Variants in MSH3 observed in about 807,000 individuals in gnomAD.
The protein encoded by MSH3 is mutS homolog 3.
A neutral mutation model predicts 123.3 loss-of-function variants in MSH3; 106 were observed. The ratio of observed to expected loss-of-function variants is 0.86; its 90% confidence interval spans 0.73 to 1.01. MSH3 has a LOEUF of 1.01. MSH3 is among the 50% of genes least tolerant of loss of function. The pLI is 0.00. For synonymous variants in MSH3, 515 were observed against 481.4 expected (o/e 1.07, Z -0.91); for missense variants, 1,459 against 1,347.6 (o/e 1.08, Z -1.29).
chr5:80,756,980 T>A (rs187509368), intron 12 of MSH3, among the ~76,000 whole-genome samples: 1 of 152,316 alleles, frequency 6.6e-6, no homozygotes, highest in Admixed American at 6.5e-5. Flanking sequence ...CTACTCGTTC[T>A]GTGCTGTCTT....
intron 20 of MSH3, among the ~76,000 whole-genome samples, chr5:80,842,133 GT>G (rs1324394453): frequency 6.6e-6 from 1 of 152,182 alleles, no homozygotes. Context: ...TGGCTAGCCA[GT>G]TTTCCCAGCA....
At chr5:80,716,798 C>A (rs1346104905) in intron 8 of MSH3, among the ~76,000 whole-genome samples, 1 of 152,202 alleles carries the variant, frequency 6.6e-6, no homozygotes, top group Non-Finnish European at 1.5e-5. Flanking sequence ...TCCTACCCTA[C>A]TGTGCTATCA....
At chr5:80,871,983 C>T (rs1322312315) in intron 22 of MSH3, among the ~76,000 whole-genome samples, 3 of 152,026 alleles carry the variant, frequency 2.0e-5, no homozygotes, top group Admixed American at 6.6e-5. Context: ...GGCAAACAGT[C>T]GAGGGTTGCA....
At chr5:80,855,873 C>CTTTTTTTTTTTTTTTTTTTTT (rs5869058) in intron 21 of MSH3, 3 of 107,136 alleles carry the variant, frequency 2.8e-5, no homozygotes, top group African/African-American at 7.2e-5. Context: ...TCCTCCTCCT[C>CTTTTTTTTTTTTTTTTTTTTT]TTTTTTTTTT....
At chr5:80,669,717 A>G (rs6151627) in intron 3 of MSH3, among the ~76,000 whole-genome samples, 34,521 of 152,126 alleles carry the variant, frequency 0.23, 4,108 homozygotes, top group Non-Finnish European at 0.27. Flanking sequence ...CTCCTGAGAG[A>G]GAGCCAGATT....
In MSH3 at chr5:80,787,296, G is replaced by A. The variant is rs190728844; in HGVS notation, c.2436-269G>A. On this transcript the variant is annotated intron_variant, in intron 17 of 23. Transcript: ENST00000265081. Reference sequence around the variant, plus strand: ...ATCTTAAGTTCAAATGTCAGGGTCAGATGAAATCTGTGATATATTCTTAAT... The same window carrying A: ...ATCTTAAGTTCAAATGTCAGGGTCAAATGAAATCTGTGATATATTCTTAAT... Among the ~76,000 whole-genome samples, 191 of 152,350 alleles carry A rather than the reference G, an allele frequency of 1.3e-3. 2 individuals carry two copies. The highest frequency in any genetic ancestry group is 4.5e-3 in the African/African-American group (186 of 41,584).
At chr5:80,736,071 A>G (rs961045265) in intron 10 of MSH3, among the ~76,000 whole-genome samples, 2 of 152,104 alleles carry the variant, frequency 1.3e-5, no homozygotes, top group Admixed American at 6.5e-5. Flanking sequence ...CCAAAAATAC[A>G]AAAAATTAGC....
intron 8 of MSH3, among the ~76,000 whole-genome samples, chr5:80,713,448 A>G (rs1750895907): frequency 6.6e-6 from 1 of 152,114 alleles, no homozygotes; most frequent in South Asian, 2.1e-4. Context: ...AGAGACCGAG[A>G]TGACTGTCTT....
At chr5:80,772,324 G>C (rs1744227041) in intron 15 of MSH3, among the ~76,000 whole-genome samples, 1 of 152,180 alleles carries the variant, frequency 6.6e-6, no homozygotes. Context: ...TTAAAATATA[G>C]TAAAACATCC....
chr5:80,717,109 T>G (rs1418816381), intron 8 of MSH3, among the ~76,000 whole-genome samples: 1 of 152,232 alleles, frequency 6.6e-6, no homozygotes, highest in Non-Finnish European at 1.5e-5. Flanking sequence ...TGTTCATCCA[T>G]TGATGGACAC....
chr5:80,733,488 A>C (rs1191720627), intron 10 of MSH3, among the ~76,000 whole-genome samples: 1 of 152,152 alleles, frequency 6.6e-6, no homozygotes, highest in South Asian at 2.1e-4. Context: ...ACTTCATCAA[A>C]GTAAAAGCTT....
intron 2 of MSH3, among the ~76,000 whole-genome samples, chr5:80,660,699 T>C (rs1345787543): frequency 6.6e-6 from 1 of 152,180 alleles, no homozygotes; most frequent in African/African-American, 2.4e-5. Flanking sequence ...TTTTCTCTGG[T>C]TGCTTTTAAG....
intron 8 of MSH3, among the ~76,000 whole-genome samples, chr5:80,702,873 A>G (rs866785587): frequency 1.3e-5 from 2 of 152,146 alleles, no homozygotes; most frequent in Non-Finnish European, 2.9e-5. Context: ...TTAGCTGCGC[A>G]TGATGGCAAG....
rs753087326 is a variant in MSH3, at chr5:80,864,911, G to C, written c.3099G>C (p.Leu1033Phe). 1 of 1,613,822 alleles carries C rather than the reference G, an allele frequency of 6.2e-7. No individual in the cohort carries two copies. Among genetic ancestry groups the C allele is most frequent in the South Asian group, 1.1e-5 (1 of 91,076 alleles). Residue 1033 changes from leucine to phenylalanine, a missense_variant, in exon 22 of 24, where the codon TTG becomes TTC. Physicochemically the swap from Leu to Phe is conservative, Grantham distance 22. Coordinates refer to ENST00000265081, the MANE Select transcript of MSH3 (RefSeq NM_002439.5). ...TGGGGAATTACCACATGGGATTCTTGGTCAGTGAGGATGAAAGCAAACTGG... is the reference window on the plus strand; with the variant it reads ...TGGGGAATTACCACATGGGATTCTTCGTCAGTGAGGATGAAAGCAAACTGG... ...HQVGNYHMGF[L>F]VSEDESKLDP...
At chr5:80,861,926 C>G (rs1028329497) in intron 21 of MSH3, among the ~76,000 whole-genome samples, 3 of 152,116 alleles carry the variant, frequency 2.0e-5, no homozygotes, top group Non-Finnish European at 2.9e-5. Context: ...GTTGGTTCTA[C>G]TTTTTCCTTG....
intron 21 of MSH3, among the ~76,000 whole-genome samples, chr5:80,861,948 T>C (rs245344): frequency 0.86 from 131,485 of 152,158 alleles, 56,901 homozygotes; most frequent in East Asian, 1. Flanking sequence ...GATGGAGAGG[T>C]AACCTCCAAC....
At chr5:80,706,344 T>C (rs1750722997) in intron 8 of MSH3, among the ~76,000 whole-genome samples, 2 of 152,200 alleles carry the variant, frequency 1.3e-5, no homozygotes, top group Admixed American at 1.3e-4. Flanking sequence ...AAAAAGCTTT[T>C]AATCATGCAT....
intron 16 of MSH3, 128 bp downstream of exon 16, chr5:80,775,886 G>A: frequency 1.5e-6 from 1 of 652,160 alleles, no homozygotes; most frequent in Non-Finnish European, 2.7e-6. Context: ...TTTTTCTGAT[G>A]GAACTTTTTT....
intron 21 of MSH3, among the ~76,000 whole-genome samples, chr5:80,863,265 C>A (rs1746044060): frequency 6.6e-6 from 1 of 152,138 alleles, no homozygotes; most frequent in African/African-American, 2.4e-5. Context: ...GACCATGGCC[C>A]GTGACACAGC....
Sources: allele counts gnomAD v4.1 joint callset (sites outside exome capture counted in the v4.1 genomes callset), GRCh38; gene constraint gnomAD v4.1.1; transcripts MANE v1.5; gene names NCBI Gene and HGNC (gene_info 2026-07-23, HGNC 2026-07-21).